Variants in RTF1 observed in about 807,000 individuals in gnomAD.
RTF1 encodes RNA polymerase-associated protein RTF1 homolog.
In RTF1, 10 loss-of-function variants were observed where a neutral mutation model predicts 95.7. The observed-to-expected ratio is 0.10, with a 90% CI of 0.06 to 0.18. RTF1 has a LOEUF of 0.18. Among genes scored for constraint, RTF1 ranks in the 10% least tolerant of loss-of-function variants. The pLI, the probability that RTF1 is intolerant of heterozygous loss-of-function variation, is 1.00. For missense variants in RTF1, 458 were observed against 875.6 expected, an observed-to-expected ratio of 0.52 and a Z score of 6.02; for synonymous variants, 305 against 311.8, an observed-to-expected ratio of 0.98 and a Z score of 0.23.
rs1045113422 is a variant in RTF1 at position 41,428,087 on chromosome 15, G to A, written c.199-10234G>A. Among the ~76,000 whole-genome samples the A allele has an allele frequency of 4.7e-5, 7 of 149,906 alleles. No homozygotes were observed. The South Asian group carries it at 8.4e-4, about 18-fold the overall frequency. On this transcript the variant is annotated intron_variant, in intron 1 of 17. Coordinates refer to ENST00000389629, the MANE Select transcript of RTF1 (RefSeq NM_015138.5). Reference sequence around the variant, plus strand: ...CAGGCATGAGCCACCATGCCTGGCCGCCTTCTTTTTTTTTTAATTTTATTT... The same window carrying A: ...CAGGCATGAGCCACCATGCCTGGCCACCTTCTTTTTTTTTTAATTTTATTT...
intron 1 of RTF1, among the ~76,000 whole-genome samples, chr15:41,436,053 T>A (rs2050700093): frequency 6.6e-6 from 1 of 152,018 alleles, no homozygotes; most frequent in African/African-American, 2.4e-5. Context: ...ACACCTGTAA[T>A]CCCAGCACTT....
At chr15:41,474,760 G>T in intron 9 of RTF1, 58 bp downstream of exon 9, 1 of 1,243,368 alleles carries the variant, frequency 8.0e-7, no homozygotes. Context: ...CTGGCTTTGG[G>T]GGCTGCTGTT....
At position 41,478,637 on chromosome 15, in the gene RTF1, AAG is replaced by A; in HGVS notation, c.1818+15_1818+16del. The stretch of plus-strand genomic sequence containing the variant: ...CCATCGTTTCTAATGTGAGTGCTGA[AAG>A]AGGACATTTTAGTCAGGACCTAGAT... On this transcript the variant is annotated intron_variant, in intron 15 of 17. Transcript: ENST00000389629. 6.2e-7 allele frequency: 1 copy of A among 1,606,452 alleles called. No individual in the cohort carries two copies. Among genetic ancestry groups the A allele is most frequent in the Non-Finnish European group, 8.5e-7 (1 of 1,173,210 alleles).
Position 41,482,127 on chromosome 15 carries a change from T to C in RTF1, c.*1440T>C, listed in dbSNP as rs907971488. The stretch of plus-strand genomic sequence containing the variant: ...TTTCAAGCATGTGCAGTTTTGTGTG[T>C]GTGTATACATATATATGGTCAGCAT... On this transcript the variant is annotated 3_prime_UTR_variant, in exon 18 of 18. Transcript: ENST00000389629. The C allele has an allele frequency of 6.6e-6, 1 of 152,410 alleles. No individual in the cohort carries two copies. The highest frequency in any genetic ancestry group is 2.4e-5 in the African/African-American group (1 of 41,460). 9.4% of individuals were successfully genotyped at this position (152,410 alleles called of 1,614,324 possible).
intron 2 of RTF1, chr15:41,448,872 TATTAA>T (rs989149262): frequency 4.7e-4 from 72 of 152,074 alleles, no homozygotes; most frequent in African/African-American, 1.6e-3. Context: ...TTAATTTTTA[TATTAA>T]ATTAAATTAA....
intron 16 of RTF1, among the ~76,000 whole-genome samples, chr15:41,479,452 C>G (rs1235433294): frequency 6.6e-6 from 1 of 152,220 alleles, no homozygotes; most frequent in Non-Finnish European, 1.5e-5. Flanking sequence ...ATCCCCTTTT[C>G]TGCTGTGTAA....
At chr15:41,478,784 T>A (rs781209524) in intron 15 of RTF1, 159 bp downstream of exon 15, 42 of 653,580 alleles carry the variant, frequency 6.4e-5, no homozygotes, top group Non-Finnish European at 9.6e-5. Flanking sequence ...TTTATCTTGC[T>A]ATAGGACATA....
intron 8 of RTF1, among the ~76,000 whole-genome samples, chr15:41,472,212 G>GTT (rs1006916671): frequency 1.5e-5 from 2 of 131,440 alleles, no homozygotes; most frequent in Non-Finnish European, 3.3e-5. Context: ...TTTATTTGTT[G>GTT]TTTTTTTTTT....
chr15:41,469,942 C>T (rs1386264886), intron 6 of RTF1, among the ~76,000 whole-genome samples: 2 of 152,096 alleles, frequency 1.3e-5, no homozygotes, highest in African/African-American at 2.4e-5. Context: ...TGAGTCTTTC[C>T]CCCTCTTTCC....
chr15:41,465,631 G>C (rs2050877025), intron 5 of RTF1, among the ~76,000 whole-genome samples: 1 of 151,764 alleles, frequency 6.6e-6, no homozygotes, highest in African/African-American at 2.4e-5. Context: ...GAAGAGCGAG[G>C]CTCTGTTTTA....
At position 41,474,642 on chromosome 15, in the gene RTF1, T is replaced by C. The variant is rs2050933552; in HGVS notation, c.1226T>C (p.Val409Ala). The C allele has an allele frequency of 1.2e-6, 2 of 1,613,968 alleles. No individual in the cohort carries two copies. The highest frequency in any genetic ancestry group is 1.7e-5 in the Admixed American group (1 of 60,008). The change falls in exon 9 of 18, where the codon GTG (valine) becomes GCG (alanine). Residue 409 changes from valine (V) to alanine (A), a missense_variant. Transcript: ENST00000389629. ...TAGGTCGCTGAGATTACGGGTGTTG[T>C]GGAAACTGCCAAAGTTTACCAACTA... ...VYRVAEITGV[V>A]ETAKVYQLGG...
intron 1 of RTF1, 59 bp from the exon 2 acceptor site, chr15:41,438,262 A>C: frequency 1.7e-6 from 2 of 1,167,646 alleles, no homozygotes; most frequent in African/African-American, 1.5e-5. Flanking sequence ...GCATTTTATT[A>C]TTCTTGGATA....
chr15:41,445,664 A>T (rs1413007623), intron 2 of RTF1, among the ~76,000 whole-genome samples: 1 of 152,108 alleles, frequency 6.6e-6, no homozygotes, highest in Admixed American at 6.6e-5. Flanking sequence ...GGCTGACATT[A>T]AATTGCATTT....
Position 41,475,526 on chromosome 15 carries a change from C to T in RTF1, c.1288C>T (p.His430Tyr). The T allele has an allele frequency of 6.2e-7, 1 of 1,613,442 alleles. No homozygotes were observed. Among genetic ancestry groups the T allele is most frequent in the Non-Finnish European group, 8.5e-7 (1 of 1,179,406 alleles). ...AGATGCTGTCTCTCTTTTATGTAGG[C>T]ATGGCAATGACCAACGCGTGTTCCG... ...TRTNKGLQLR[H>Y]GNDQRVFRLE... Residue 430 changes from histidine to tyrosine, a missense_variant and splice_region_variant, in exon 10 of 18, where the codon CAT (histidine) becomes TAT (tyrosine). By Grantham distance (83) the His-to-Tyr change is moderately conservative (BLOSUM62 2). Around this residue, in one of 11 missense-constraint regions of RTF1, gnomAD observed 150 missense variants for 275.7 expected, o/e 0.54. Coordinates refer to ENST00000389629, the MANE Select transcript of RTF1 (RefSeq NM_015138.5).
chr15:41,468,202 C>T lies in RTF1; in HGVS notation c.889+1950C>T, dbSNP rs138195546. On this transcript the variant is annotated intron_variant, in intron 6 of 17. Transcript: ENST00000389629. ...AAAAAGAAATAATAACGTGTTCTGT[C>T]CTAGTAGCCACTGATGGTCATTACC... Among the ~76,000 whole-genome samples, 473 of 150,038 alleles carry T rather than the reference C, an allele frequency of 3.2e-3. 12 individuals are homozygous for T. The South Asian group carries it at 0.045, about 14-fold the overall frequency.
At chr15:41,478,649 T>C (rs1452331686) in intron 15 of RTF1, 24 bp downstream of exon 15, 1 of 1,570,550 alleles carries the variant, frequency 6.4e-7, no homozygotes, top group East Asian at 2.2e-5. Flanking sequence ...GAGGACATTT[T>C]AGTCAGGACC....
intron 7 of RTF1, 96 bp downstream of exon 7, chr15:41,470,488 A>G (rs1595439049): frequency 1.6e-6 from 2 of 1,288,608 alleles, no homozygotes; most frequent in Non-Finnish European, 2.2e-6. Context: ...TTGGGCCACT[A>G]ACTCTGACAT....
chr15:41,428,553 C>G (rs1416073537), intron 1 of RTF1, among the ~76,000 whole-genome samples: 2 of 151,088 alleles, frequency 1.3e-5, no homozygotes, highest in Non-Finnish European at 2.9e-5. Flanking sequence ...CAAGTGTGAG[C>G]TACCGTGTCC....
intron 2 of RTF1, among the ~76,000 whole-genome samples, chr15:41,447,513 C>A (rs1206669293): frequency 6.6e-6 from 1 of 152,206 alleles, no homozygotes; most frequent in Admixed American, 6.5e-5. Flanking sequence ...ATACCTGTTA[C>A]ATCAGTGAGA....
Sources: gnomAD v4.1 joint callset for allele counts (sites outside exome capture counted in the v4.1 genomes callset) on GRCh38, gnomAD v4.1.1 for gene constraint, gnomAD v4.1.1 regional missense constraint, MANE v1.5 for transcripts, NCBI Gene and HGNC (gene_info 2026-07-23, HGNC 2026-07-21) for gene names.